Variants in LARP4B observed in about 807,000 individuals in gnomAD.
LARP4B encodes the protein La ribonucleoprotein 4B.
In LARP4B, 12 loss-of-function variants were observed where a neutral mutation model predicts 89.8. The observed-to-expected ratio is 0.13, with a 90% CI of 0.09 to 0.22. The LOEUF is 0.22. LARP4B is among the 10% of genes least tolerant of loss of function. The pLI, the probability that LARP4B is intolerant of heterozygous loss-of-function variation, is 1.00. For synonymous variants in LARP4B, 367 were observed against 363.3 expected, an observed-to-expected ratio of 1.01 and a Z score of -0.12; for missense variants, 757 against 947.7, an observed-to-expected ratio of 0.80 and a Z score of 2.64.
chr10:889,243 T>C (rs1257478111), intron 1 of LARP4B, among the ~76,000 whole-genome samples: 2 of 152,208 alleles, frequency 1.3e-5, no homozygotes, highest in African/African-American at 4.8e-5. Context: ...ACAATTTATA[T>C]TGATTCATTC....
downstream of LARP4B, chr10:809,340 T>C (rs763845432): frequency 2.0e-5 from 3 of 152,280 alleles, no homozygotes; most frequent in Non-Finnish European, 4.4e-5. Context: ...CTGATGTTAA[T>C]GCTCACTCTG....
intron 3 of LARP4B, among the ~76,000 whole-genome samples, chr10:875,258 CTT>C (rs1467116442): frequency 6.6e-6 from 1 of 152,200 alleles, no homozygotes; most frequent in Non-Finnish European, 1.5e-5. Context: ...TATTTAACCT[CTT>C]TGTCTCAGTT....
chr10:829,339 T>C (rs752092197), intron 11 of LARP4B, 46 bp downstream of exon 11: 1 of 1,454,634 alleles, frequency 6.9e-7, no homozygotes. Flanking sequence ...TCAAATTATC[T>C]AGCATAGTGT....
chr10:915,195 GGA>G (rs1836786452), intron 1 of LARP4B, among the ~76,000 whole-genome samples: 1 of 152,100 alleles, frequency 6.6e-6, no homozygotes, highest in Non-Finnish European at 1.5e-5. Flanking sequence ...TGAGGTGGGA[GGA>G]TCACTTGAGC....
At chr10:972,892 G>A in the LARP4B span, 44 of 456,508 alleles carry the variant, frequency 9.6e-5, 1 homozygote, top group South Asian at 3.1e-4. Flanking sequence ...TTGTTTGGAG[G>A]GCTCGCTGCT....
At chr10:835,605 T>G (rs1039152209) in intron 8 of LARP4B, among the ~76,000 whole-genome samples, 2 of 152,252 alleles carry the variant, frequency 1.3e-5, no homozygotes, top group African/African-American at 4.8e-5. Flanking sequence ...TTTAGGCATC[T>G]GGACAAACAG....
intron 1 of LARP4B, among the ~76,000 whole-genome samples, chr10:929,360 C>G (rs1837238221): frequency 6.6e-6 from 1 of 152,202 alleles, no homozygotes; most frequent in Non-Finnish European, 1.5e-5. Context: ...TTTGAGAGGC[C>G]AAGGCAGGTG....
chr10:824,555 T>A (rs1379998829), intron 13 of LARP4B, among the ~76,000 whole-genome samples: 1 of 152,084 alleles, frequency 6.6e-6, no homozygotes, highest in Non-Finnish European at 1.5e-5. Flanking sequence ...GCCAAAAAAA[T>A]GTTAAACAAA....
At chr10:829,946 A>C (rs960857158) in intron 9 of LARP4B, among the ~76,000 whole-genome samples, 11 of 152,200 alleles carry the variant, frequency 7.2e-5, no homozygotes, top group African/African-American at 2.7e-4. Flanking sequence ...CTCACAAACA[A>C]GATTTGTACA....
In LARP4B at chr10:822,926, C is replaced by T. The variant is rs1487266531; in HGVS notation, c.1485-2081G>A. Among the ~76,000 whole-genome samples the T allele has an allele frequency of 1.3e-5, 2 of 152,202 alleles. No individual in the cohort carries two copies. The highest frequency in any genetic ancestry group is 2.9e-5 in the Non-Finnish European group (2 of 68,034). On this transcript the variant is annotated intron_variant, in intron 13 of 17. Coordinates refer to ENST00000316157, the MANE Select transcript of LARP4B (RefSeq NM_015155.3). The surrounding 1 kb of genome is among the most constrained non-coding windows in gnomAD (Gnocchi z 4.6). ...GACTCTGGTAAGGGGTTCTCCAGGA[C>T]ATCTTAGCACTTTGGTCCAATAGAG...
intron 11 of LARP4B, among the ~76,000 whole-genome samples, chr10:826,981 T>C (rs1011083545): frequency 2.0e-5 from 3 of 152,140 alleles, no homozygotes; most frequent in African/African-American, 7.2e-5. Flanking sequence ...CTTTTTAAAA[T>C]ACATCACACA....
chr10:960,665 G>A, the LARP4B span, among the ~76,000 whole-genome samples: 10 of 121,018 alleles, frequency 8.3e-5, no homozygotes, highest in East Asian at 2.3e-3. Context: ...CCAAGATCAT[G>A]CCACTGCACT....
intron 5 of LARP4B, among the ~76,000 whole-genome samples, chr10:848,075 G>A (rs1305912800): frequency 6.6e-6 from 1 of 152,228 alleles, no homozygotes; most frequent in African/African-American, 2.4e-5. Flanking sequence ...CGGATGTGAT[G>A]AAACTACCCA....
chr10:845,436 A>T (rs1461206560), intron 5 of LARP4B, among the ~76,000 whole-genome samples: 1 of 152,204 alleles, frequency 6.6e-6, no homozygotes, highest in Non-Finnish European at 1.5e-5. Flanking sequence ...AAATTAAAAC[A>T]ACAACAACAA....
At chr10:837,561 G>T (rs948883077) in intron 7 of LARP4B, among the ~76,000 whole-genome samples, 1 of 152,140 alleles carries the variant, frequency 6.6e-6, no homozygotes, top group African/African-American at 2.4e-5. Context: ...TCACTATAAC[G>T]TTACAGTGAT....
intron 1 of LARP4B, among the ~76,000 whole-genome samples, chr10:921,279 A>C (rs919096574): frequency 6.6e-6 from 1 of 152,128 alleles, no homozygotes; most frequent in Non-Finnish European, 1.5e-5. Flanking sequence ...ATCTCAAAAA[A>C]AAAAAGAAAA....
At chr10:836,560 C>A in intron 7 of LARP4B, 54 bp from the exon 8 acceptor site, 2 of 1,138,660 alleles carry the variant, frequency 1.8e-6, no homozygotes, top group Non-Finnish European at 2.7e-6. Flanking sequence ...ATATGATATG[C>A]CAGTGGAATG....
intron 6 of LARP4B, among the ~76,000 whole-genome samples, chr10:844,695 A>G (rs1195069552): frequency 2.0e-5 from 3 of 152,060 alleles, no homozygotes; most frequent in Non-Finnish European, 4.4e-5. Flanking sequence ...TTGTTCTCCA[A>G]CTTCAGTGTG....
the LARP4B span, among the ~76,000 whole-genome samples, chr10:946,849 A>T: frequency 6.6e-6 from 1 of 152,140 alleles, no homozygotes; most frequent in Non-Finnish European, 1.5e-5. Context: ...GAGAACTTCC[A>T]TACTTTTGAC....
Sources: gnomAD v4.1 joint callset for allele counts (sites outside exome capture counted in the v4.1 genomes callset) on GRCh38, gnomAD v4.1.1 for gene constraint, Gnocchi (gnomAD v3.1) non-coding constraint, MANE v1.5 for transcripts, NCBI Gene and HGNC (gene_info 2026-07-23, HGNC 2026-07-21) for gene names.